Variants in SLAIN2 observed in about 807,000 individuals in gnomAD.
The protein encoded by SLAIN2 is SLAIN family member 2, also known as SLAIN motif-containing protein 2.
SLAIN2 carries 31 observed loss-of-function variants against 56.6 expected under a neutral mutation model. The observed-to-expected ratio is 0.55, with a 90% CI of 0.41 to 0.74. The LOEUF (loss-of-function observed/expected upper bound fraction) is 0.74, where lower values mean the gene tolerates loss of function less well. Ranked by LOEUF, SLAIN2 falls within the 30% of genes least tolerant of loss-of-function variation. SLAIN2 has a pLI of 0.00. For missense variants in SLAIN2, 777 were observed against 754.2 expected (o/e 1.03, Z -0.35); for synonymous variants, 317 against 284.9 (o/e 1.11, Z -1.13).
At position 48,393,379 on chromosome 4, in the gene SLAIN2, G is replaced by C. The variant is rs568468843; in HGVS notation, c.1360+9595G>C. ...GCTGGGACCACAGACACACCACCAT[G>C]TCTGGCTTGTGTGTGTGTGTGTGTG... On this transcript the variant is annotated intron_variant, in intron 6 of 7. Coordinates refer to ENST00000264313, the MANE Select transcript of SLAIN2 (RefSeq NM_020846.2). 2.3e-4 allele frequency among the ~76,000 whole-genome samples: 21 copies of C among 92,374 alleles called. No homozygotes were observed. The East Asian group carries it at 5.3e-3, about 23-fold the overall frequency. The allele number at this position is 92,374 out of a possible 152,430, so 60.6% of individuals were successfully genotyped here.
chr4:48,350,419 TA>T (rs1182842137), intron 1 of SLAIN2, among the ~76,000 whole-genome samples: 1 of 152,244 alleles, frequency 6.6e-6, no homozygotes, highest in African/African-American at 2.4e-5. Flanking sequence ...ATTTTGACAT[TA>T]TTTTTTAAAA....
intron 6 of SLAIN2, among the ~76,000 whole-genome samples, chr4:48,385,799 C>T (rs1215438625): frequency 6.6e-6 from 1 of 151,818 alleles, no homozygotes; most frequent in African/African-American, 2.4e-5. Flanking sequence ...TTAATTTCTT[C>T]ACACTTTTCC....
At chr4:48,386,204 C>T (rs1301479253) in intron 6 of SLAIN2, among the ~76,000 whole-genome samples, 2 of 151,276 alleles carry the variant, frequency 1.3e-5, no homozygotes, top group African/African-American at 4.9e-5. Flanking sequence ...ACTTATATAA[C>T]AAATTTATAT....
At chr4:48,372,727 T>C (rs1299414548) in intron 2 of SLAIN2, among the ~76,000 whole-genome samples, 1 of 152,208 alleles carries the variant, frequency 6.6e-6, no homozygotes, top group Non-Finnish European at 1.5e-5. Context: ...TGCATCTGTT[T>C]AACATTGTTT....
chr4:48,379,514 G>A (rs955593405), intron 3 of SLAIN2, among the ~76,000 whole-genome samples, 176 bp from the exon 4 acceptor site: 1 of 152,052 alleles, frequency 6.6e-6, no homozygotes, highest in African/African-American at 2.4e-5. Context: ...AGGAGTCTCA[G>A]TAGCCCTCAT....
intron 6 of SLAIN2, among the ~76,000 whole-genome samples, chr4:48,406,514 GCT>G (rs1376671190): frequency 7.5e-6 from 1 of 133,216 alleles, no homozygotes; most frequent in Non-Finnish European, 1.6e-5. Context: ...TTTTGGTTAT[GCT>G]CTCTCTCTCT....
At position 48,365,422 on chromosome 4, in the gene SLAIN2, G is replaced by T. The variant is rs1408575665; in HGVS notation, c.390-4427G>T. On this transcript the variant is annotated intron_variant, in intron 1 of 7. Coordinates refer to ENST00000264313, the MANE Select transcript of SLAIN2 (RefSeq NM_020846.2). ...GTGGAGGTTGCAGTGAGCCGAGATC[G>T]CAACAGAGCAAGACTCCATCTCAAA... Among the ~76,000 whole-genome samples, 8 of 113,474 alleles carry T rather than the reference G, an allele frequency of 7.1e-5. No individual in the cohort carries two copies. In the Admixed American group the frequency reaches 9.7e-4, roughly 14 times the overall value. 74.4% of individuals were successfully genotyped at this position (113,474 alleles called of 152,430 possible). A position where few individuals can be genotyped will look rare whatever the true frequency, so the allele number is the denominator to read the frequency against.
intron 1 of SLAIN2, among the ~76,000 whole-genome samples, chr4:48,348,523 G>A (rs1402397587): frequency 6.6e-6 from 1 of 151,644 alleles, no homozygotes; most frequent in African/African-American, 2.4e-5. Flanking sequence ...CCCTGTCTCT[G>A]CTAAAAATAC....
chr4:48,409,860 G>T (rs745792008), intron 6 of SLAIN2, among the ~76,000 whole-genome samples: 2 of 152,160 alleles, frequency 1.3e-5, no homozygotes, highest in Non-Finnish European at 2.9e-5. Context: ...CTCCAGCCTA[G>T]ACGACAGAGC....
At chr4:48,421,880 C>A in intron 7 of SLAIN2, 131 bp from the exon 8 acceptor site, 1 of 705,942 alleles carries the variant, frequency 1.4e-6, no homozygotes, top group Non-Finnish European at 2.4e-6. Context: ...CTGTTTAGAG[C>A]TTAGGACTTG....
Position 48,341,974 on chromosome 4 carries a change from C to A in SLAIN2, c.235C>A (p.Pro79Thr). 1 of 1,432,252 alleles carries A rather than the reference C, an allele frequency of 7.0e-7. No homozygotes were observed. The highest frequency in any genetic ancestry group is 1.5e-5 in the South Asian group (1 of 67,220). 88.7% of individuals were successfully genotyped at this position (1,432,252 alleles called of 1,614,324 possible). ...LGLSAKSGGG[P>T]GSGPRRTSSE... ...CCTCAGCGCCAAGTCGGGCGGCGGG[C>A]CCGGGTCGGGCCCGAGGCGGACGAG... is the stretch of plus-strand genomic sequence containing the variant. Residue 79 changes from proline to threonine, a missense_variant, in exon 1 of 8, where the codon CCC becomes ACC. Pro to Thr is a conservative substitution (Grantham distance 38, BLOSUM62 -1). Coordinates refer to ENST00000264313, the MANE Select transcript of SLAIN2 (RefSeq NM_020846.2).
chr4:48,359,488 T>G (rs1398012016), intron 1 of SLAIN2, among the ~76,000 whole-genome samples: 1 of 152,234 alleles, frequency 6.6e-6, no homozygotes, highest in Non-Finnish European at 1.5e-5. Context: ...TTACCACAGA[T>G]TCAGCAAAGT....
chr4:48,376,065 T>A (rs1715801464), intron 2 of SLAIN2, among the ~76,000 whole-genome samples: 1 of 152,262 alleles, frequency 6.6e-6, no homozygotes, highest in African/African-American at 2.4e-5. Flanking sequence ...GCAAGCCTCT[T>A]AAGAGAGAGA....
intron 1 of SLAIN2, among the ~76,000 whole-genome samples, chr4:48,345,691 C>T (rs79171647): frequency 6.6e-6 from 1 of 150,764 alleles, no homozygotes; most frequent in Non-Finnish European, 1.5e-5. Context: ...TTTTTTTAGG[C>T]GTGCTCAGAT....
chr4:48,387,755 G>A (rs915241532), intron 6 of SLAIN2, among the ~76,000 whole-genome samples: 2 of 151,870 alleles, frequency 1.3e-5, no homozygotes, highest in African/African-American at 4.8e-5. Flanking sequence ...AGCAAAAAAA[G>A]TGTTACCAAT....
intron 1 of SLAIN2, among the ~76,000 whole-genome samples, chr4:48,363,711 C>T (rs1715407223): frequency 8.3e-6 from 1 of 120,950 alleles, no homozygotes; most frequent in African/African-American, 3.0e-5. Context: ...AGGCGCCCCT[C>T]ACCTCCCAGA....
chr4:48,420,758 A>G (rs1717125597), intron 7 of SLAIN2, among the ~76,000 whole-genome samples: 1 of 152,228 alleles, frequency 6.6e-6, no homozygotes, highest in African/African-American at 2.4e-5. Context: ...ATATAATTAT[A>G]TTCAATAAAG....
rs923875416 is a variant in SLAIN2, at chr4:48,422,782, A to G, written c.*705A>G. 6.6e-6 allele frequency: 1 copy of G among 152,254 alleles called. No homozygotes were observed. Among genetic ancestry groups the G allele is most frequent in the Non-Finnish European group, 1.5e-5 (1 of 68,032 alleles). The allele number at this position is 152,254 out of a possible 1,614,324, so 9.4% of individuals were successfully genotyped here. On this transcript the variant is annotated 3_prime_UTR_variant, in exon 8 of 8. Coordinates refer to ENST00000264313, the MANE Select transcript of SLAIN2 (RefSeq NM_020846.2). ...TGTATCCATCATGTTGCATTGACAC[A>G]TCAAACTTGTGTGTGTTTGTTTTGA...
Position 48,379,760 on chromosome 4 carries a change from T to C in SLAIN2, c.774T>C (p.Ala258=). 3 of 1,596,950 alleles carry C rather than the reference T, an allele frequency of 1.9e-6. No individual in the cohort carries two copies. Among genetic ancestry groups the C allele is most frequent in the South Asian group, 2.3e-5 (2 of 88,004 alleles). The change falls in exon 4 of 8, where the codon GCT becomes GCC. Residue 258 remains alanine, a synonymous_variant. Transcript: ENST00000264313. Reference sequence around the variant, plus strand: ...CCTCTATAGATAGTGAGTTAAGTGCTTCAGAATTAGATGAAGATTCAATTG... The same window carrying C: ...CCTCTATAGATAGTGAGTTAAGTGCCTCAGAATTAGATGAAGATTCAATTG... ...PQSSIDSELS[A]SELDEDSIGS... is the part of the protein sequence containing the mutation.
Sources: allele counts gnomAD v4.1 joint callset (sites outside exome capture counted in the v4.1 genomes callset), GRCh38; gene constraint gnomAD v4.1.1; transcripts MANE v1.5; gene names NCBI Gene and HGNC (gene_info 2026-07-23, HGNC 2026-07-21).